SKIL: variants seen among roughly 807,000 people sequenced by gnomAD.
SKIL encodes the protein SKI like proto-oncogene, also known as ski-like protein.
A neutral mutation model predicts 69.6 loss-of-function variants in SKIL; 20 were observed. The observed-to-expected ratio is 0.29, with a 90% CI of 0.20 to 0.42. The LOEUF (loss-of-function observed/expected upper bound fraction) is 0.42. SKIL is among the 10% of genes least tolerant of loss of function. The pLI is 1.00. For synonymous variants in SKIL, 310 were observed against 279.9 expected, an observed-to-expected ratio of 1.11 and a Z score of -1.08; for missense variants, 745 against 783.1, an observed-to-expected ratio of 0.95 and a Z score of 0.58.
In SKIL at chr3:170,360,207, G is replaced by A. The variant is rs1394892868; in HGVS notation, c.-125G>A. ...AAATTTATTAATTTAAGGGGCTCTC[G>A]CTTTGAAAGTTTGAGAGTAAGTTAC... On this transcript the variant is annotated 5_prime_UTR_variant, in exon 2 of 7. Transcript: ENST00000259119. The A allele has an allele frequency of 5.3e-6, 5 of 941,972 alleles. No individual in the cohort carries two copies. Among genetic ancestry groups the A allele is most frequent in the Non-Finnish European group, 7.8e-6 (5 of 640,046 alleles). 58.4% of individuals were successfully genotyped at this position (941,972 alleles called of 1,614,324 possible). A position where few individuals can be genotyped will look rare whatever the true frequency, so the allele number is the denominator to read the frequency against.
At chr3:170,358,390 C>G (rs1437725271) in intron 1 of SKIL, 1 of 152,390 alleles carries the variant, frequency 6.6e-6, no homozygotes, top group African/African-American at 2.4e-5. Flanking sequence ...GGACTCCTCC[C>G]TTTACTTCCC....
At chr3:170,359,491 C>T (rs1039545818) in intron 1 of SKIL, 1 of 151,444 alleles carries the variant, frequency 6.6e-6, no homozygotes. Flanking sequence ...CCAGCTACTC[C>T]GGAGTCTGAG....
chr3:170,370,565 G>C (rs938967698), intron 2 of SKIL, among the ~76,000 whole-genome samples: 1 of 150,126 alleles, frequency 6.7e-6, no homozygotes, highest in Non-Finnish European at 1.5e-5. Context: ...AGTCTAAGTG[G>C]CCCTATAAAG....
rs1362537538 is a variant in SKIL, at chr3:170,394,147, G to A, written c.*1730G>A. The A allele has an allele frequency of 8.5e-5, 3 of 35,128 alleles. No individual in the cohort carries two copies. Among genetic ancestry groups the A allele is most frequent in the East Asian group, 1.4e-3 (2 of 1,382 alleles). 2.2% of individuals were successfully genotyped at this position (35,128 alleles called of 1,614,324 possible). ...TTTTTTTTTTTTTTTTTTTTTTTTT[G>A]AGACAGAGTCTCGCTGTCTCCCAGG... On this transcript the variant is annotated 3_prime_UTR_variant, in exon 7 of 7. Transcript: ENST00000259119.
intron 3 of SKIL, among the ~76,000 whole-genome samples, chr3:170,383,490 T>C (rs1031145292): frequency 3.4e-4 from 52 of 152,360 alleles, no homozygotes; most frequent in African/African-American, 1.2e-3. Flanking sequence ...ACAAATATGG[T>C]ACTTAAATAT....
intron 5 of SKIL, 84 bp from the exon 6 acceptor site, chr3:170,390,952 T>G: frequency 1.4e-6 from 1 of 699,236 alleles, no homozygotes; most frequent in Admixed American, 2.8e-5. Context: ...TTTTAGGTAT[T>G]TTCTGTGCTA....
chr3:170,379,077 G>T (rs7644374), intron 2 of SKIL, among the ~76,000 whole-genome samples: 1 of 137,622 alleles, frequency 7.3e-6, no homozygotes, highest in Non-Finnish European at 1.6e-5. Context: ...GGGTTTCGCT[G>T]TGTTGGCCAG....
intron 2 of SKIL, among the ~76,000 whole-genome samples, chr3:170,363,525 G>GC (rs1736342961): frequency 6.6e-6 from 1 of 151,276 alleles, no homozygotes; most frequent in Non-Finnish European, 1.5e-5. Context: ...CGCTCCTGTT[G>GC]CCCAGGCTAG....
chr3:170,381,981 C>G (rs918863194), intron 3 of SKIL, among the ~76,000 whole-genome samples: 1 of 151,754 alleles, frequency 6.6e-6, no homozygotes, highest in African/African-American at 2.4e-5. Flanking sequence ...ACTCGGGAGG[C>G]TGAGGCAGGA....
At position 170,360,610 on chromosome 3, in the gene SKIL, C is replaced by T. The variant is rs760724790; in HGVS notation, c.279C>T (p.Phe93=). Residue 93 remains phenylalanine, a synonymous_variant, in exon 2 of 7, where the codon TTC becomes TTT. Coordinates refer to ENST00000259119, the MANE Select transcript of SKIL (RefSeq NM_005414.5). ...NPSLKHTLAQ[F]HLSSQSSLGG... is the part of the protein sequence containing the mutation. Reference sequence around the variant, plus strand: ...GTTTGAAACACACATTGGCACAATTCCATTTAAGTAGTCAGAGCTCGCTGG... The same window carrying T: ...GTTTGAAACACACATTGGCACAATTTCATTTAAGTAGTCAGAGCTCGCTGG... 9.9e-6 allele frequency: 16 copies of T among 1,614,074 alleles called. No individual in the cohort carries two copies. In the African/African-American group the frequency reaches 1.7e-4, roughly 18 times the overall value.
At chr3:170,370,984 T>C (rs1346947144) in intron 2 of SKIL, among the ~76,000 whole-genome samples, 1 of 152,118 alleles carries the variant, frequency 6.6e-6, no homozygotes, top group Non-Finnish European at 1.5e-5. Flanking sequence ...TTAATAAAAA[T>C]GATTTAAGAC....
rs796854405 is a variant in SKIL at position 170,375,348 on chromosome 3, CAG to C, written c.1099-5894_1099-5893del. On this transcript the variant is annotated intron_variant, in intron 2 of 6. Transcript: ENST00000259119. ...AGGTGGCACCTGAAGTTTAGAGACA[CAG>C]AAATAAATAGATGCTAGGTTTGGCT... Among the ~76,000 whole-genome samples, 162 of 152,238 alleles carry C rather than the reference CAG, an allele frequency of 1.1e-3. 1 individual carries two copies. The highest frequency in any genetic ancestry group is 3.5e-3 in the African/African-American group (147 of 41,536).
rs1358804527 is a variant in SKIL, at chr3:170,369,482, A to G, written c.1098+8053A>G. On this transcript the variant is annotated intron_variant, in intron 2 of 6. Transcript: ENST00000259119. The stretch of plus-strand genomic sequence containing the variant: ...AATAAGGCAATCTCGGCTCACTGCA[A>G]CCTCCGCCTCCTGGGTTCAAGTGAT... Among the ~76,000 whole-genome samples the G allele has an allele frequency of 5.3e-5, 8 of 152,140 alleles. No homozygotes were observed. In the East Asian group the frequency reaches 1.2e-3, roughly 22 times the overall value.
intron 2 of SKIL, among the ~76,000 whole-genome samples, chr3:170,363,708 C>T (rs2108893961): frequency 6.6e-6 from 1 of 152,298 alleles, no homozygotes; most frequent in Non-Finnish European, 1.5e-5. Context: ...TGGTCTCAAA[C>T]TCCTGACCTC....
At chr3:170,358,754 C>T (rs1420772047) in intron 1 of SKIL, 1 of 152,174 alleles carries the variant, frequency 6.6e-6, no homozygotes, top group Non-Finnish European at 1.5e-5. Flanking sequence ...CCCTCTTCCT[C>T]CATTTGCATT....
Position 170,359,968 on chromosome 3 carries a change from G to A in SKIL, c.-364G>A, listed in dbSNP as rs1420860753. On this transcript the variant is annotated 5_prime_UTR_variant, in exon 2 of 7. Coordinates refer to ENST00000259119, the MANE Select transcript of SKIL (RefSeq NM_005414.5). ...TGGCATAAACTTTTCATGTGTTTTG[G>A]TTAAAACAAACCAGACCATTGCATT... 1 of 166,712 alleles carries A rather than the reference G, an allele frequency of 6.0e-6. No individual in the cohort carries two copies. The highest frequency in any genetic ancestry group is 6.1e-5 in the Admixed American group (1 of 16,328). The allele number at this position is 166,712 out of a possible 1,614,324, so 10.3% of individuals were successfully genotyped here.
chr3:170,366,150 C>T (rs970797543), intron 2 of SKIL, among the ~76,000 whole-genome samples: 1 of 148,266 alleles, frequency 6.7e-6, no homozygotes, highest in African/African-American at 2.5e-5. Flanking sequence ...ATTTGACATG[C>T]GTATATAGTT....
chr3:170,379,724 C>G (rs7623490), intron 2 of SKIL, among the ~76,000 whole-genome samples: 1 of 151,898 alleles, frequency 6.6e-6, no homozygotes, highest in Non-Finnish European at 1.5e-5. Flanking sequence ...GCTCACTGCA[C>G]CCTCCATCTC....
In SKIL at chr3:170,392,596, A is replaced by G. The variant is rs1737980691; in HGVS notation, c.*179A>G. ...AGTACTTAAATTTTTACATTTTCCA[A>G]ATGAATGAAAATGTATGTTTCTTTG... is the stretch of plus-strand genomic sequence containing the variant. On this transcript the variant is annotated 3_prime_UTR_variant, in exon 7 of 7. Transcript: ENST00000259119. 1.8e-5 allele frequency: 7 copies of G among 397,306 alleles called. No homozygotes were observed. The South Asian group carries it at 4.8e-4, about 27-fold the overall frequency. 24.6% of individuals were successfully genotyped at this position (397,306 alleles called of 1,614,324 possible).
Sources: allele counts gnomAD v4.1 joint callset (sites outside exome capture counted in the v4.1 genomes callset), GRCh38; gene constraint gnomAD v4.1.1; transcripts MANE v1.5; gene names NCBI Gene and HGNC (gene_info 2026-07-23, HGNC 2026-07-21).